The following SUPT3H variants were observed in gnomAD, a reference collection of about 807,000 sequenced individuals.
SUPT3H encodes the protein transcription initiation protein SPT3 homolog.
SUPT3H carries 44 observed loss-of-function variants against 44.3 expected under a neutral mutation model. The ratio of observed to expected loss-of-function variants is 0.99; its 90% CI spans 0.78 to 1.28. The LOEUF (loss-of-function observed/expected upper bound fraction) is 1.28. Ranked by LOEUF, SUPT3H falls within the 50% of genes most tolerant of loss-of-function variation. The probability of loss-of-function intolerance (pLI) is 0.00; values close to 1 mark genes in which losing one functional copy is unlikely to be tolerated. For synonymous variants in SUPT3H, 124 were observed against 125.6 expected, an observed-to-expected ratio of 0.99 and a Z score of 0.09; for missense variants, 380 against 387.1, an observed-to-expected ratio of 0.98 and a Z score of 0.15.
At chr6:45,064,732 A>C (rs1277066341) in intron 3 of SUPT3H, among the ~76,000 whole-genome samples, 1 of 139,716 alleles carries the variant, frequency 7.2e-6, no homozygotes, top group East Asian at 2.1e-4. Flanking sequence ...CATAATGGTA[A>C]AGGGATCAAT....
At chr6:44,982,936 G>A (rs1383342638) in intron 6 of SUPT3H, among the ~76,000 whole-genome samples, 1 of 152,166 alleles carries the variant, frequency 6.6e-6, no homozygotes, top group Non-Finnish European at 1.5e-5. Context: ...CTAAGAAGAT[G>A]TTCTAAAGAA....
At chr6:44,931,318 A>G (rs1164960502) in intron 10 of SUPT3H, among the ~76,000 whole-genome samples, 1 of 152,022 alleles carries the variant, frequency 6.6e-6, no homozygotes, top group East Asian at 1.9e-4. Flanking sequence ...GTCTCAACCT[A>G]TTCATCATTA....
At chr6:45,230,686 A>ATATATATATTTT (rs796866510) in intron 2 of SUPT3H, among the ~76,000 whole-genome samples, 15 of 116,820 alleles carry the variant, frequency 1.3e-4, no homozygotes, top group African/African-American at 4.7e-4. Context: ...ATATATATAT[A>ATATATATATTTT]TTTTTGAGAT....
Position 45,202,906 on chromosome 6 carries a change from A to G in SUPT3H, c.102-96900T>C, listed in dbSNP as rs1303811219. Among the ~76,000 whole-genome samples, 3 of 151,788 alleles carry G rather than the reference A, an allele frequency of 2.0e-5. No homozygotes were observed. In the East Asian group the frequency reaches 5.8e-4, roughly 29 times the overall value. On this transcript the variant is annotated intron_variant, in intron 2 of 10. Coordinates refer to ENST00000371459, the MANE Select transcript of SUPT3H (RefSeq NM_003599.4). The stretch of plus-strand genomic sequence containing the variant: ...TAAATTGAAGAAATCCTACAAATGT[A>G]TGTGTGTGTGTGTATATATATATAA...
chr6:44,908,044 T>C (rs991983305), intron 10 of SUPT3H, among the ~76,000 whole-genome samples: 3 of 152,164 alleles, frequency 2.0e-5, no homozygotes, highest in African/African-American at 7.2e-5. Flanking sequence ...ATCCATTTCA[T>C]TGACCTTCTC....
At chr6:44,969,641 G>A (rs886196510) in intron 6 of SUPT3H, among the ~76,000 whole-genome samples, 1 of 152,098 alleles carries the variant, frequency 6.6e-6, no homozygotes, top group African/African-American at 2.4e-5. Context: ...ACACAAAGGA[G>A]AACGTCATGC....
intron 3 of SUPT3H, among the ~76,000 whole-genome samples, chr6:45,084,411 CAG>C (rs1289818764): frequency 1.3e-5 from 2 of 152,116 alleles, no homozygotes; most frequent in African/African-American, 4.8e-5. Flanking sequence ...CATTCGTCAT[CAG>C]AGAGATACAA....
chr6:44,963,607 C>T (rs1417760617), intron 6 of SUPT3H, among the ~76,000 whole-genome samples: 4 of 152,086 alleles, frequency 2.6e-5, no homozygotes, highest in African/African-American at 7.2e-5. Context: ...CTAGTTTTAG[C>T]CCTCTTTTTA....
chr6:44,829,753 C>T lies in SUPT3H; in HGVS notation c.*63G>A. 1.9e-6 allele frequency: 3 copies of T among 1,565,146 alleles called. No individual in the cohort carries two copies. Among genetic ancestry groups the T allele is most frequent in the East Asian group, 2.3e-5 (1 of 44,374 alleles). On this transcript the variant is annotated 3_prime_UTR_variant, in exon 11 of 11. Coordinates refer to ENST00000371459, the MANE Select transcript of SUPT3H (RefSeq NM_003599.4). ...GTAAATTTGTATTTTATTTTGTTCACAAGAAATCACCTTAATATAACATTG... is the reference window on the plus strand; with the variant it reads ...GTAAATTTGTATTTTATTTTGTTCATAAGAAATCACCTTAATATAACATTG...
intron 3 of SUPT3H, among the ~76,000 whole-genome samples, chr6:45,020,878 CA>C (rs1451819407): frequency 6.6e-6 from 1 of 151,812 alleles, no homozygotes; most frequent in Non-Finnish European, 1.5e-5. Context: ...TTCTTTCTTG[CA>C]AAAGAAAAAT....
At chr6:45,329,936 A>G (rs1787118100) in intron 2 of SUPT3H, among the ~76,000 whole-genome samples, 1 of 151,872 alleles carries the variant, frequency 6.6e-6, no homozygotes, top group Non-Finnish European at 1.5e-5. Flanking sequence ...GTACATCTAT[A>G]TTAACTCTGC....
chr6:45,058,574 G>C (rs1791491618), intron 3 of SUPT3H, among the ~76,000 whole-genome samples: 1 of 152,078 alleles, frequency 6.6e-6, no homozygotes, highest in East Asian at 1.9e-4. Context: ...GCCCTTATCA[G>C]AAGTACCTGT....
intron 10 of SUPT3H, among the ~76,000 whole-genome samples, chr6:44,894,743 ATATATTTAT>A (rs1169553667): frequency 6.6e-6 from 1 of 151,792 alleles, no homozygotes; most frequent in Non-Finnish European, 1.5e-5. Context: ...GCAAAGTATT[ATATATTTAT>A]TATATTTAAA....
chr6:44,933,764 C>T (rs1770967163), intron 9 of SUPT3H, among the ~76,000 whole-genome samples: 1 of 152,144 alleles, frequency 6.6e-6, no homozygotes, highest in African/African-American at 2.4e-5. Context: ...TGGCCTCAGC[C>T]TCTGAAGTAG....
chr6:45,111,539 C>CAA (rs367554128), intron 2 of SUPT3H, among the ~76,000 whole-genome samples: 68 of 142,430 alleles, frequency 4.8e-4, no homozygotes, highest in African/African-American at 1.7e-3. Context: ...CTCCCCCCCG[C>CAA]AAAAAAAACA....
At chr6:45,163,512 T>G (rs1047345008) in intron 2 of SUPT3H, among the ~76,000 whole-genome samples, 1 of 152,198 alleles carries the variant, frequency 6.6e-6, no homozygotes, top group African/African-American at 2.4e-5. Context: ...ATTGGCTATG[T>G]CAATTGGAAA....
At position 45,368,649 on chromosome 6, in the gene SUPT3H, C is replaced by A. The variant is rs561685736; in HGVS notation, c.1-3348G>T. On this transcript the variant is annotated intron_variant, in intron 1 of 10. Transcript: ENST00000371459. ...TGCACCCTCCAAACATCATCAAAATCTGGACTGTGAAAACTATCAGTCAAT... is the reference window on the plus strand; with the variant it reads ...TGCACCCTCCAAACATCATCAAAATATGGACTGTGAAAACTATCAGTCAAT... Among the ~76,000 whole-genome samples, 10 of 152,212 alleles carry A rather than the reference C, an allele frequency of 6.6e-5. 1 individual carries two copies. The South Asian group carries it at 2.1e-3, about 32-fold the overall frequency.
intron 2 of SUPT3H, among the ~76,000 whole-genome samples, chr6:45,291,424 C>T (rs565341832): frequency 6.6e-6 from 1 of 152,232 alleles, no homozygotes; most frequent in Non-Finnish European, 1.5e-5. Context: ...CACTGGCTCA[C>T]CAGCAATGGA....
chr6:44,825,785 CCTT>C (rs1432248370), downstream of SUPT3H, among the ~76,000 whole-genome samples: 7 of 152,078 alleles, frequency 4.6e-5, no homozygotes, highest in Non-Finnish European at 7.4e-5. Flanking sequence ...AGCCTTGCCT[CCTT>C]CTTTTTTTCC....
Sources: allele counts gnomAD v4.1 joint callset (sites outside exome capture counted in the v4.1 genomes callset), GRCh38; gene constraint gnomAD v4.1.1; transcripts MANE v1.5; gene names NCBI Gene and HGNC (gene_info 2026-07-23, HGNC 2026-07-21).